PRKAR1B: variants seen among roughly 807,000 people sequenced by gnomAD.
PRKAR1B encodes the protein cAMP-dependent protein kinase type I-beta regulatory subunit.
Under a neutral mutation model 46.5 loss-of-function variants are expected in PRKAR1B, and 22 were observed. The observed-to-expected ratio is 0.47, with a 90% CI of 0.34 to 0.68. PRKAR1B has a LOEUF of 0.68. PRKAR1B is among the 30% of genes least tolerant of loss of function. The probability of loss-of-function intolerance (pLI) is 0.01; values close to 1 mark genes in which losing one functional copy is unlikely to be tolerated. For synonymous variants in PRKAR1B, 259 were observed against 217.7 expected, an observed-to-expected ratio of 1.19 and a Z score of -1.67; for missense variants, 445 against 535.6, an observed-to-expected ratio of 0.83 and a Z score of 1.67.
rs540589390 is a variant in PRKAR1B at position 689,766 on chromosome 7, G to A, written c.178-9040C>T. 9.8e-4 allele frequency among the ~76,000 whole-genome samples: 148 copies of A among 151,738 alleles called. 1 individual carries two copies. The highest frequency in any genetic ancestry group is 8.1e-3 in the South Asian group (39 of 4,798). The stretch of plus-strand genomic sequence containing the variant: ...GCAATCTCAGCTCACTGCAAGCTCC[G>A]CCTCCCAGGTTCACGCCATTCTCCT... On this transcript the variant is annotated intron_variant, in intron 2 of 10. Transcript: ENST00000537384.
rs569047052 is a variant in PRKAR1B, at chr7:663,054, C to T, written c.440+14175G>A. On this transcript the variant is annotated intron_variant, in intron 4 of 10. Coordinates refer to ENST00000537384, the MANE Select transcript of PRKAR1B (RefSeq NM_001164760.2). ...CAAGACACTCAGGAACTTAGTCCCCCCTCTTCTTTGCCTGGAAAATCCCTT... is the reference window on the plus strand; with the variant it reads ...CAAGACACTCAGGAACTTAGTCCCCTCTCTTCTTTGCCTGGAAAATCCCTT... Among the ~76,000 whole-genome samples, 5 of 151,398 alleles carry T rather than the reference C, an allele frequency of 3.3e-5. No homozygotes were observed. In the South Asian group the frequency reaches 1.1e-3, roughly 32 times the overall value.
chr7:726,853 G>A lies in PRKAR1B; in HGVS notation c.-23+357C>T, dbSNP rs1175402641. On this transcript the variant is annotated intron_variant, in intron 1 of 10. Coordinates refer to ENST00000537384, the MANE Select transcript of PRKAR1B (RefSeq NM_001164760.2). The stretch of plus-strand genomic sequence containing the variant: ...GGGGCTGGAGGCCGACAGCAAGCCG[G>A]GCCGGCGGCGCGCCTTGGAGGCCCT... 2 of 1,319,288 alleles carry A rather than the reference G, an allele frequency of 1.5e-6. No individual in the cohort carries two copies. Among genetic ancestry groups the A allele is most frequent in the African/African-American group, 1.5e-5 (1 of 64,744 alleles). 81.7% of individuals were successfully genotyped at this position (1,319,288 alleles called of 1,614,324 possible). A position where few individuals can be genotyped will look rare whatever the true frequency, so the allele number is the denominator to read the frequency against.
In PRKAR1B at chr7:578,973, C is replaced by T. The variant is rs558623389; in HGVS notation, c.891+283G>A. On this transcript the variant is annotated intron_variant, in intron 9 of 10. Coordinates refer to ENST00000537384, the MANE Select transcript of PRKAR1B (RefSeq NM_001164760.2). ...CTGGGATGACAGGCGTGAGCCGCCG[C>T]GCCCGGCCAGTTTCATGCAGTTTTA... 3.2e-5 allele frequency: 40 copies of T among 1,234,446 alleles called. No individual in the cohort carries two copies. The Admixed American group carries it at 8.1e-4, about 25-fold the overall frequency. The allele number at this position is 1,234,446 out of a possible 1,614,324, so 76.5% of individuals were successfully genotyped here.
intron 9 of PRKAR1B, among the ~76,000 whole-genome samples, chr7:551,739 C>A (rs1275267181): frequency 1.6e-4 from 23 of 143,932 alleles, no homozygotes; most frequent in Admixed American, 9.1e-4. Context: ...ACCACCATGT[C>A]ACCACCCAAA....
rs546407159 is a variant in PRKAR1B at position 583,538 on chromosome 7, C to T, written c.769+970G>A. Among the ~76,000 whole-genome samples the T allele has an allele frequency of 3.9e-5, 5 of 127,256 alleles. No homozygotes were observed. In the South Asian group the frequency reaches 8.9e-4, roughly 23 times the overall value. 83.5% of individuals were successfully genotyped at this position (127,256 alleles called of 152,430 possible). On this transcript the variant is annotated intron_variant, in intron 8 of 10. Coordinates refer to ENST00000537384, the MANE Select transcript of PRKAR1B (RefSeq NM_001164760.2). Reference sequence around the variant, plus strand: ...ACACACGCGTGCACACACCCACTCACACACGTGCCAAACACATGCGTGCAC... The same window carrying T: ...ACACACGCGTGCACACACCCACTCATACACGTGCCAAACACATGCGTGCAC...
intron 4 of PRKAR1B, among the ~76,000 whole-genome samples, chr7:649,603 G>A (rs974367162): frequency 4.0e-5 from 6 of 151,694 alleles, no homozygotes; most frequent in African/African-American, 1.5e-4. Context: ...TTTGAGACAG[G>A]GTCTTGCTCT....
intron 10 of PRKAR1B, among the ~76,000 whole-genome samples, chr7:551,158 G>T (rs1347821941): frequency 2.0e-5 from 3 of 152,096 alleles, no homozygotes; most frequent in African/African-American, 7.2e-5. Flanking sequence ...ATGCCCTCTG[G>T]GGGACCCCAC....
chr7:605,239 C>T (rs558600936), intron 6 of PRKAR1B, among the ~76,000 whole-genome samples: 3 of 152,230 alleles, frequency 2.0e-5, no homozygotes, highest in African/African-American at 4.8e-5. Context: ...AGGTCCTTCC[C>T]GCTGACTCCG....
rs145890198 is a variant in PRKAR1B, at chr7:557,144, C to T, written c.892-5674G>A. 2.2e-4 allele frequency among the ~76,000 whole-genome samples: 34 copies of T among 152,288 alleles called. No individual in the cohort carries two copies. The East Asian group carries it at 5.8e-3, about 26-fold the overall frequency. On this transcript the variant is annotated intron_variant, in intron 9 of 10. Coordinates refer to ENST00000537384, the MANE Select transcript of PRKAR1B (RefSeq NM_001164760.2). ...TCTCCTCAGCGGAGTCTGGTGGCCC[C>T]GGGACTCCCTCCTCCTGCCCTCCCA... is the stretch of plus-strand genomic sequence containing the variant.
chr7:725,953 C>T (rs1201052526), intron 1 of PRKAR1B, among the ~76,000 whole-genome samples: 1 of 152,136 alleles, frequency 6.6e-6, no homozygotes, highest in Non-Finnish European at 1.5e-5. Flanking sequence ...TCCAACCCGA[C>T]CAATAAGCAC....
At chr7:639,017 GT>G (rs1401172916) in intron 4 of PRKAR1B, among the ~76,000 whole-genome samples, 2 of 152,312 alleles carry the variant, frequency 1.3e-5, no homozygotes, top group East Asian at 3.9e-4. Context: ...GGTGAAGGTT[GT>G]GTTGAGCCAA....
At chr7:581,629 G>C (rs970029272) in intron 8 of PRKAR1B, among the ~76,000 whole-genome samples, 17 of 152,166 alleles carry the variant, frequency 1.1e-4, no homozygotes, top group Non-Finnish European at 1.8e-4. Context: ...GTAGTATTCT[G>C]AGTTCTAAAA....
chr7:605,902 C>T (rs1782011463), intron 6 of PRKAR1B, among the ~76,000 whole-genome samples: 2 of 152,166 alleles, frequency 1.3e-5, no homozygotes, highest in Admixed American at 6.5e-5. Context: ...CAAACAGAAC[C>T]GCCCTGGCCA....
chr7:657,980 A>G (rs1408148892), intron 4 of PRKAR1B, among the ~76,000 whole-genome samples: 1 of 152,158 alleles, frequency 6.6e-6, no homozygotes, highest in African/African-American at 2.4e-5. Flanking sequence ...GAGGCTCCCA[A>G]TTAAATGCAG....
At chr7:651,741 A>AAT (rs1262560846) in intron 4 of PRKAR1B, among the ~76,000 whole-genome samples, 1 of 98,738 alleles carries the variant, frequency 1.0e-5, no homozygotes, top group Non-Finnish European at 2.1e-5. Flanking sequence ...ACCCACACGG[A>AAT]GCTAGGAACC....
intron 2 of PRKAR1B, among the ~76,000 whole-genome samples, chr7:706,422 ATTTT>A (rs33963335): frequency 9.8e-6 from 1 of 102,296 alleles, no homozygotes; most frequent in African/African-American, 3.9e-5. Context: ...CAAATAAGGA[ATTTT>A]TTTTTTTTTT....
At chr7:724,935 C>T (rs925917143) in intron 1 of PRKAR1B, among the ~76,000 whole-genome samples, 10 of 152,220 alleles carry the variant, frequency 6.6e-5, no homozygotes, top group Non-Finnish European at 1.2e-4. Flanking sequence ...TACTGATGGG[C>T]CGGGCGTGGT....
chr7:639,652 C>A (rs563916048), intron 4 of PRKAR1B, among the ~76,000 whole-genome samples: 2 of 152,020 alleles, frequency 1.3e-5, no homozygotes, highest in African/African-American at 4.8e-5. Flanking sequence ...GAGCTCTCAG[C>A]CTGCCTGGGC....
rs191110443 is a variant in PRKAR1B at position 601,243 on chromosome 7, G to A, written c.550-4939C>T. Reference sequence around the variant, plus strand: ...AACCGCTAGCCTCAGAAACCCACTCGGACCCTGGGTAGCCGTAGTCCTGCA... The same window carrying A: ...AACCGCTAGCCTCAGAAACCCACTCAGACCCTGGGTAGCCGTAGTCCTGCA... On this transcript the variant is annotated intron_variant, in intron 6 of 10. Coordinates refer to ENST00000537384, the MANE Select transcript of PRKAR1B (RefSeq NM_001164760.2). 2.7e-3 allele frequency among the ~76,000 whole-genome samples: 416 copies of A among 152,294 alleles called. 2 individuals are homozygous for A. Among genetic ancestry groups the A allele is most frequent in the Non-Finnish European group, 5.1e-3 (344 of 68,030 alleles).
Sources: gnomAD v4.1 joint callset for allele counts (sites outside exome capture counted in the v4.1 genomes callset) on GRCh38, gnomAD v4.1.1 for gene constraint, MANE v1.5 for transcripts, NCBI Gene and HGNC (gene_info 2026-07-23, HGNC 2026-07-21) for gene names.